TTC3: variants seen among roughly 807,000 people sequenced by gnomAD.
TTC3 encodes tetratricopeptide repeat domain 3.
Under a neutral mutation model 249.6 loss-of-function variants are expected in TTC3, and 180 were observed. That is an observed-to-expected ratio of 0.72 (90% CI 0.64 to 0.82). The LOEUF (loss-of-function observed/expected upper bound fraction) is 0.82, where lower values mean the gene tolerates loss of function less well. TTC3 is among the 40% of genes least tolerant of loss of function. The pLI is 0.00. For missense variants in TTC3, 2,061 were observed against 2,398.4 expected (o/e 0.86, Z 2.94); for synonymous variants, 717 against 805.0 (o/e 0.89, Z 1.85).
intron 44 of TTC3, among the ~76,000 whole-genome samples, chr21:37,198,863 T>C (rs1248199968): frequency 6.6e-6 from 1 of 151,384 alleles, no homozygotes; most frequent in African/African-American, 2.4e-5. Context: ...TTTTTTTTTA[T>C]TGTGGTTGTC....
chr21:37,122,422 ATATATATATATATAT>A lies in TTC3; in HGVS notation c.1063+459_1063+473del, dbSNP rs2076672341. On this transcript the variant is annotated intron_variant, in intron 12 of 45. Coordinates refer to ENST00000355666, the Ensembl canonical transcript of TTC3. The stretch of plus-strand genomic sequence containing the variant: ...CGTGCTGAATATATATATATATAAT[ATATATATATATATAT>A]TATATATATATATATAATGTTTTTT... Among the ~76,000 whole-genome samples, 18 of 31,966 alleles carry A rather than the reference ATATATATATATATAT, an allele frequency of 5.6e-4. 1 individual carries two copies. The highest frequency in any genetic ancestry group is 1.5e-3 in the African/African-American group (14 of 9,212). The allele number at this position is 31,966 out of a possible 152,430, so 21.0% of individuals were successfully genotyped here.
At chr21:37,182,733 A>T in intron 35 of TTC3, 41 bp from the exon 36 acceptor site, 1 of 1,520,170 alleles carries the variant, frequency 6.6e-7, no homozygotes. Context: ...GTTAAAAAGT[A>T]TATTTTGCCA....
At chr21:37,150,192 T>C in intron 24 of TTC3, 22 bp downstream of exon 24, 1 of 1,553,962 alleles carries the variant, frequency 6.4e-7, no homozygotes, top group Non-Finnish European at 8.9e-7. Flanking sequence ...AGGGGAAACC[T>C]TGTTAGATAG....
exon 33 of TTC3, chr21:37,166,062 C>G: frequency 6.2e-7 from 1 of 1,614,208 alleles, no homozygotes; most frequent in Admixed American, 1.7e-5. Flanking sequence ...AAACCAGGCT[C>G]TGAGGATGCA....
At chr21:37,095,536 G>T in intron 9 of TTC3, 92 bp downstream of exon 9, 1 of 855,482 alleles carries the variant, frequency 1.2e-6, no homozygotes, top group South Asian at 2.0e-5. Context: ...CGGAGAATTG[G>T]AGAGTATCTT....
chr21:37,146,257 G>A (rs1336681986), intron 21 of TTC3, among the ~76,000 whole-genome samples: 1 of 152,080 alleles, frequency 6.6e-6, no homozygotes, highest in Non-Finnish European at 1.5e-5. Context: ...GGCCAGTCTT[G>A]GTGGCTTACG....
chr21:37,197,461 C>T, intron 42 of TTC3, 109 bp from the exon 43 acceptor site: 2 of 1,311,230 alleles, frequency 1.5e-6, no homozygotes, highest in Non-Finnish European at 2.2e-6. Context: ...ATTTTATGTG[C>T]ATTTGTCTTT....
chr21:37,151,009 T>C (rs1428549489), intron 25 of TTC3, 125 bp downstream of exon 25: 8 of 567,758 alleles, frequency 1.4e-5, no homozygotes, highest in Non-Finnish European at 2.1e-5. Context: ...CAAATAAGTG[T>C]TTTTTAAAAT....
intron 1 of TTC3, among the ~76,000 whole-genome samples, chr21:37,077,200 T>G (rs1172747143): frequency 6.6e-6 from 1 of 152,150 alleles, no homozygotes; most frequent in African/African-American, 2.4e-5. Flanking sequence ...CTTTAAAATG[T>G]TACTGTGATG....
At chr21:37,087,654 A>G (rs556760388) in intron 2 of TTC3, among the ~76,000 whole-genome samples, 179 bp from the exon 3 acceptor site, 13 of 152,182 alleles carry the variant, frequency 8.5e-5, no homozygotes, top group Non-Finnish European at 1.8e-4. Flanking sequence ...AGAGCCATAG[A>G]AGCAAACTCA....
At chr21:37,144,604 A>G (rs766968242) in exon 21 of TTC3, 1 of 1,612,166 alleles carries the variant, frequency 6.2e-7, no homozygotes. Context: ...TTGGCCCACG[A>G]GTAATGTGAT....
At chr21:37,101,610 T>C (rs1171513307) in intron 10 of TTC3, among the ~76,000 whole-genome samples, 1 of 152,232 alleles carries the variant, frequency 6.6e-6, no homozygotes, top group Admixed American at 6.5e-5. Context: ...CTTCAGATCC[T>C]TGTGTATTCC....
chr21:37,190,538 C>T (rs144254925), intron 39 of TTC3, among the ~76,000 whole-genome samples: 5 of 152,138 alleles, frequency 3.3e-5, no homozygotes, highest in African/African-American at 7.2e-5. Context: ...AGGTTGAGAC[C>T]AAGTGGTAGT....
chr21:37,129,679 G>A (rs1252767980), intron 16 of TTC3, among the ~76,000 whole-genome samples: 1 of 152,022 alleles, frequency 6.6e-6, no homozygotes, highest in Non-Finnish European at 1.5e-5. Context: ...CACTTAGGCT[G>A]CGGTGCAGTG....
chr21:37,120,656 G>A (rs988739034), intron 11 of TTC3, among the ~76,000 whole-genome samples: 5 of 152,074 alleles, frequency 3.3e-5, no homozygotes, highest in Non-Finnish European at 5.9e-5. Context: ...CATATGAATT[G>A]GAGTCTGAGC....
chr21:37,112,971 T>G lies in TTC3; in HGVS notation c.900+4525T>G, dbSNP rs561932925. ...GATTATCTCAATAGATGCAGAAAAGTCCTTTGACAAAATTCAACAACGCTT... is the reference window on the plus strand; with the variant it reads ...GATTATCTCAATAGATGCAGAAAAGGCCTTTGACAAAATTCAACAACGCTT... On this transcript the variant is annotated intron_variant, in intron 11 of 45. Transcript: ENST00000355666. Among the ~76,000 whole-genome samples, 10 of 152,188 alleles carry G rather than the reference T, an allele frequency of 6.6e-5. No homozygotes were observed. In the South Asian group the frequency reaches 1.9e-3, roughly 28 times the overall value.
rs112312676 is a variant in TTC3, at chr21:37,180,526, T to C, written c.4618-2248T>C. Among the ~76,000 whole-genome samples the C allele has an allele frequency of 5.4e-3, 786 of 144,608 alleles. 6 individuals carry two copies. Among genetic ancestry groups the C allele is most frequent in the African/African-American group, 0.019 (741 of 38,748 alleles). 94.9% of individuals were successfully genotyped at this position (144,608 alleles called of 152,430 possible). A position where few individuals can be genotyped will look rare whatever the true frequency, so the allele number is the denominator to read the frequency against. Reference sequence around the variant, plus strand: ...ATCGCAAGAACAAAAAACCAAACACTGCATATTCTCACTCATAGGTGGGAA... The same window carrying C: ...ATCGCAAGAACAAAAAACCAAACACCGCATATTCTCACTCATAGGTGGGAA... On this transcript the variant is annotated intron_variant, in intron 35 of 45. Transcript: ENST00000355666.
At chr21:37,183,844 C>T (rs2082980677) in intron 36 of TTC3, among the ~76,000 whole-genome samples, 1 of 152,166 alleles carries the variant, frequency 6.6e-6, no homozygotes, top group Non-Finnish European at 1.5e-5. Flanking sequence ...GTCACAGCAT[C>T]ATCTCTGCTA....
intron 11 of TTC3, among the ~76,000 whole-genome samples, chr21:37,115,174 T>TATAATAATAATAATAATA (rs1246754731): frequency 0.029 from 4,131 of 144,430 alleles, 175 homozygotes; most frequent in African/African-American, 0.096. Context: ...AAACTTAAAG[T>TATAATAATAATAATAATA]ATAATAATAA....
Sources: gnomAD v4.1 joint callset for allele counts (sites outside exome capture counted in the v4.1 genomes callset) on GRCh38, gnomAD v4.1.1 for gene constraint, MANE v1.5 for transcripts, NCBI Gene and HGNC (gene_info 2026-07-23, HGNC 2026-07-21) for gene names.